Variants in MEF2A observed in about 807,000 individuals in gnomAD.
MEF2A encodes the protein myocyte enhancer factor 2A, also known as myocyte-specific enhancer factor 2A.
Under a neutral mutation model 55.8 loss-of-function variants are expected in MEF2A, and 28 were observed. The ratio of observed to expected loss-of-function variants is 0.50; its 90% confidence interval spans 0.37 to 0.69. MEF2A has a LOEUF of 0.69. MEF2A is among the 30% of genes least tolerant of loss of function. The pLI, the probability that MEF2A is intolerant of heterozygous loss-of-function variation, is 0.00. For synonymous variants in MEF2A, 239 were observed against 227.1 expected, an observed-to-expected ratio of 1.05 and a Z score of -0.47; for missense variants, 528 against 626.2, an observed-to-expected ratio of 0.84 and a Z score of 1.67.
At chr15:99,618,780 C>A (rs2040641410) in intron 2 of MEF2A, among the ~76,000 whole-genome samples, 1 of 152,162 alleles carries the variant, frequency 6.6e-6, no homozygotes, top group Non-Finnish European at 1.5e-5. Flanking sequence ...CAGGCATTCT[C>A]TATACTGTTC....
At chr15:99,632,145 T>A (rs1229680145) in intron 2 of MEF2A, among the ~76,000 whole-genome samples, 1 of 152,200 alleles carries the variant, frequency 6.6e-6, no homozygotes, top group Admixed American at 6.5e-5. Context: ...TAAAAAACGC[T>A]TGAAAGATTT....
intron 10 of MEF2A, among the ~76,000 whole-genome samples, chr15:99,709,831 G>T (rs1219023527): frequency 6.6e-6 from 1 of 152,178 alleles, no homozygotes; most frequent in Non-Finnish European, 1.5e-5. Flanking sequence ...GTTTTTTCAT[G>T]AAGTTGAAAC....
At chr15:99,677,077 T>C (rs1195731041) in intron 7 of MEF2A, among the ~76,000 whole-genome samples, 1 of 151,868 alleles carries the variant, frequency 6.6e-6, no homozygotes. Context: ...GCCGAGATCA[T>C]GCCACTGCAC....
chr15:99,653,038 A>G (rs763443658), intron 4 of MEF2A, among the ~76,000 whole-genome samples: 1 of 152,186 alleles, frequency 6.6e-6, no homozygotes. Flanking sequence ...CAAGATTTTT[A>G]TGTTTCTCAT....
chr15:99,676,754 TAG>T lies in MEF2A; in HGVS notation c.670+1300_670+1301del, dbSNP rs571955520. Among the ~76,000 whole-genome samples the T allele has an allele frequency of 2.1e-3, 320 of 152,180 alleles. 1 individual carries two copies. The highest frequency in any genetic ancestry group is 3.4e-3 in the Non-Finnish European group (232 of 68,008). ...CGGGCTAATTTTTTTGTATTTTTAGTAGAGACGGAGTTTCACCGTGTTAGCCA... is the reference window on the plus strand; with the variant it reads ...CGGGCTAATTTTTTTGTATTTTTAGTAGACGGAGTTTCACCGTGTTAGCCA... On this transcript the variant is annotated intron_variant, in intron 7 of 11. Transcript: ENST00000557942.
Position 99,663,131 on chromosome 15 carries a change from C to T in MEF2A, c.259-8192C>T, listed in dbSNP as rs74867773. 2.4e-3 allele frequency among the ~76,000 whole-genome samples: 362 copies of T among 151,860 alleles called. 1 individual carries two copies. The highest frequency in any genetic ancestry group is 8.3e-3 in the African/African-American group (343 of 41,412). ...GGAGTTAAAAGTGCAGGCATGGGCT[C>T]TAGCAGATACTCCAGCAGTATAGGC... is the stretch of plus-strand genomic sequence containing the variant. On this transcript the variant is annotated intron_variant, in intron 4 of 11. Transcript: ENST00000557942.
intron 1 of MEF2A, among the ~76,000 whole-genome samples, chr15:99,574,976 A>C (rs989169959): frequency 1.3e-5 from 2 of 152,216 alleles, no homozygotes; most frequent in South Asian, 4.1e-4. Flanking sequence ...TATCATTAAC[A>C]TATCAGGCAT....
intron 1 of MEF2A, among the ~76,000 whole-genome samples, chr15:99,577,748 C>T (rs183091273): frequency 9.2e-5 from 14 of 152,216 alleles, no homozygotes; most frequent in Admixed American, 6.5e-4. Context: ...TTTCTTTAGT[C>T]TCCTGAAATC....
chr15:99,634,612 A>T (rs566659388), intron 3 of MEF2A, among the ~76,000 whole-genome samples: 2 of 152,246 alleles, frequency 1.3e-5, no homozygotes, highest in Non-Finnish European at 2.9e-5. Flanking sequence ...TAAATTGGAC[A>T]TAGCTAAACT....
intron 7 of MEF2A, among the ~76,000 whole-genome samples, chr15:99,683,104 T>G (rs1319232700): frequency 6.6e-6 from 1 of 152,210 alleles, no homozygotes; most frequent in Non-Finnish European, 1.5e-5. Context: ...TGATCTCTAC[T>G]CGACAGGATG....
intron 8 of MEF2A, among the ~76,000 whole-genome samples, chr15:99,699,193 G>A (rs913119568): frequency 6.6e-6 from 1 of 152,086 alleles, no homozygotes; most frequent in African/African-American, 2.4e-5. Flanking sequence ...AACTAGCCTA[G>A]ATGTCCTTCA....
At position 99,671,694 on chromosome 15, in the gene MEF2A, G is replaced by A. The variant is rs1315136411; in HGVS notation, c.390+240G>A. 7 of 1,494,272 alleles carry A rather than the reference G, an allele frequency of 4.7e-6. No homozygotes were observed. In the South Asian group the frequency reaches 8.2e-5, roughly 17 times the overall value. The allele number at this position is 1,494,272 out of a possible 1,614,324, so 92.6% of individuals were successfully genotyped here. On this transcript the variant is annotated intron_variant, in intron 5 of 11. Coordinates refer to ENST00000557942, the MANE Select transcript of MEF2A (RefSeq NM_001319206.4). Reference sequence around the variant, plus strand: ...AGTATGGTTTGTGCTTTTATCTTGTGCATGAAGAGATTGACCAAACATCTT... The same window carrying A: ...AGTATGGTTTGTGCTTTTATCTTGTACATGAAGAGATTGACCAAACATCTT...
chr15:99,587,044 TA>T (rs936079247), intron 1 of MEF2A, among the ~76,000 whole-genome samples: 2 of 152,160 alleles, frequency 1.3e-5, no homozygotes, highest in African/African-American at 4.8e-5. Context: ...TCAGGTAGTG[TA>T]AATCCTTCAA....
chr15:99,684,051 T>C (rs2053753170), intron 7 of MEF2A, among the ~76,000 whole-genome samples: 1 of 152,218 alleles, frequency 6.6e-6, no homozygotes. Flanking sequence ...TTCCCTTTTA[T>C]GGCTTAGTAG....
intron 4 of MEF2A, among the ~76,000 whole-genome samples, chr15:99,651,910 C>T (rs1311675234): frequency 6.6e-6 from 1 of 152,148 alleles, no homozygotes; most frequent in Admixed American, 6.5e-5. Context: ...GTATATATAA[C>T]TGAACTTTTT....
At chr15:99,701,961 CTGAT>C (rs1301341955) in intron 8 of MEF2A, among the ~76,000 whole-genome samples, 1 of 152,154 alleles carries the variant, frequency 6.6e-6, no homozygotes, top group Non-Finnish European at 1.5e-5. Context: ...AAAGTTATGT[CTGAT>C]TGTTAGGAGA....
chr15:99,684,992 A>G (rs557069193), intron 7 of MEF2A, among the ~76,000 whole-genome samples: 2 of 152,284 alleles, frequency 1.3e-5, no homozygotes, highest in East Asian at 3.9e-4. Context: ...GTTGAAGATC[A>G]GTTGGCTGTA....
chr15:99,664,272 A>C (rs2049186105), intron 4 of MEF2A, among the ~76,000 whole-genome samples: 1 of 152,220 alleles, frequency 6.6e-6, no homozygotes, highest in South Asian at 2.1e-4. Flanking sequence ...AGTAGCTCCA[A>C]CTAAAGAAAG....
chr15:99,667,530 A>G (rs189667179), intron 4 of MEF2A, among the ~76,000 whole-genome samples: 210 of 152,240 alleles, frequency 1.4e-3, no homozygotes, highest in Non-Finnish European at 2.3e-3. Context: ...GCCGTAACAT[A>G]GTTTTTTATA....
Sources: allele counts gnomAD v4.1 joint callset (sites outside exome capture counted in the v4.1 genomes callset), GRCh38; gene constraint gnomAD v4.1.1; transcripts MANE v1.5; gene names NCBI Gene and HGNC (gene_info 2026-07-23, HGNC 2026-07-21).